KCNH7: variants seen among roughly 807,000 people sequenced by gnomAD.
KCNH7 encodes voltage-gated inwardly rectifying potassium channel KCNH7.
A neutral mutation model predicts 120.8 loss-of-function variants in KCNH7; 49 were observed. The ratio of observed to expected loss-of-function variants is 0.41; its 90% CI spans 0.32 to 0.51. The LOEUF is 0.51. Ranked by LOEUF, KCNH7 falls within the 20% of genes least tolerant of loss-of-function variation. The pLI, the probability that KCNH7 is intolerant of heterozygous loss-of-function variation, is 0.38. For missense variants in KCNH7, 1,097 were observed against 1,446.6 expected, an observed-to-expected ratio of 0.76 and a Z score of 3.92; for synonymous variants, 547 against 516.1, an observed-to-expected ratio of 1.06 and a Z score of -0.81.
intron 3 of KCNH7, among the ~76,000 whole-genome samples, chr2:162,521,114 A>G (rs1691505737): frequency 6.6e-6 from 1 of 151,858 alleles, no homozygotes; most frequent in African/African-American, 2.4e-5. Context: ...CACCACAGTT[A>G]ATAATTATGC....
chr2:162,387,460 A>G (rs1686607153), intron 12 of KCNH7, among the ~76,000 whole-genome samples: 1 of 151,482 alleles, frequency 6.6e-6, no homozygotes, highest in South Asian at 2.1e-4. Context: ...GAATTATTTG[A>G]TAGACATTAA....
At chr2:162,542,153 ATC>A (rs945181718) in intron 2 of KCNH7, among the ~76,000 whole-genome samples, 1 of 151,214 alleles carries the variant, frequency 6.6e-6, no homozygotes, top group African/African-American at 2.4e-5. Flanking sequence ...ACTATTCTAT[ATC>A]TCTCTTTTTT....
chr2:162,807,985 T>C (rs1684609999), intron 2 of KCNH7, among the ~76,000 whole-genome samples: 1 of 152,182 alleles, frequency 6.6e-6, no homozygotes, highest in Non-Finnish European at 1.5e-5. Context: ...CCCAGCCATC[T>C]TTTCATCCAT....
In KCNH7 at chr2:162,433,949, T is replaced by C. The variant is rs1230341227; in HGVS notation, c.1954+1249A>G. On this transcript the variant is annotated intron_variant, in intron 8 of 15. Coordinates refer to ENST00000332142, the MANE Select transcript of KCNH7 (RefSeq NM_033272.4). ...TACTTATATGTTCATTGCAGCAGTA[T>C]TCACACTGAAGAAGACATGGAATCA... 2.0e-5 allele frequency among the ~76,000 whole-genome samples: 3 copies of C among 152,030 alleles called. No individual in the cohort carries two copies. The East Asian group carries it at 5.8e-4, about 29-fold the overall frequency.
intron 2 of KCNH7, among the ~76,000 whole-genome samples, chr2:162,708,543 T>A (rs186960909): frequency 6.6e-6 from 1 of 152,166 alleles, no homozygotes; most frequent in East Asian, 1.9e-4. Context: ...AATTTTTTAC[T>A]GTGAGAAGAG....
intron 12 of KCNH7, among the ~76,000 whole-genome samples, chr2:162,393,317 G>A (rs1686798987): frequency 6.6e-6 from 1 of 151,794 alleles, no homozygotes; most frequent in Non-Finnish European, 1.5e-5. Context: ...TGGATATGTG[G>A]GACTGAAGCT....
intron 2 of KCNH7, among the ~76,000 whole-genome samples, chr2:162,557,983 T>C (rs1384943968): frequency 6.6e-6 from 1 of 152,214 alleles, no homozygotes; most frequent in African/African-American, 2.4e-5. Context: ...ATCCTTTCTA[T>C]ATAAGTGTGG....
intron 6 of KCNH7, among the ~76,000 whole-genome samples, chr2:162,467,238 T>A (rs1462051998): frequency 6.6e-6 from 1 of 152,186 alleles, no homozygotes; most frequent in African/African-American, 2.4e-5. Flanking sequence ...GATTATGAAA[T>A]CAATGTGTCA....
At chr2:162,438,463 A>G (rs1688322659) in intron 7 of KCNH7, among the ~76,000 whole-genome samples, 1 of 152,196 alleles carries the variant, frequency 6.6e-6, no homozygotes, top group Admixed American at 6.6e-5. Context: ...TTTAAGATAT[A>G]TGGGACATGT....
Position 162,435,603 on chromosome 2 carries a change from G to A in KCNH7, c.1555-6C>T. 1 of 1,572,482 alleles carries A rather than the reference G, an allele frequency of 6.4e-7. No homozygotes were observed. Among genetic ancestry groups the A allele is most frequent in the Non-Finnish European group, 8.6e-7 (1 of 1,159,384 alleles). ...AGACCAATTAATGTTGTTGTCTGTA[G>A]AAATAAATGTACACAGTCAGAAACG... On this transcript the variant is annotated splice_polypyrimidine_tract_variant and splice_region_variant and intron_variant, in intron 7 of 15. Transcript: ENST00000332142.
chr2:162,645,295 G>A (rs546330466), intron 2 of KCNH7, among the ~76,000 whole-genome samples: 7 of 152,050 alleles, frequency 4.6e-5, no homozygotes, highest in South Asian at 2.1e-4. Flanking sequence ...CTACAGGCAC[G>A]TGCCACCATA....
intron 5 of KCNH7, among the ~76,000 whole-genome samples, chr2:162,508,669 G>C (rs1464311930): frequency 6.6e-6 from 1 of 151,288 alleles, no homozygotes; most frequent in African/African-American, 2.4e-5. Context: ...GTAAACCTAA[G>C]TGGACAGAAT....
chr2:162,758,425 G>A (rs537979975), intron 2 of KCNH7, among the ~76,000 whole-genome samples: 4 of 152,128 alleles, frequency 2.6e-5, no homozygotes, highest in African/African-American at 9.6e-5. Flanking sequence ...CTTAAAGTTT[G>A]TATGTATACA....
Position 162,536,867 on chromosome 2 carries a change from A to C in KCNH7, c.463+58T>G, listed in dbSNP as rs1368941597. 2.1e-6 allele frequency: 3 copies of C among 1,431,734 alleles called. No individual in the cohort carries two copies. In the Admixed American group the frequency reaches 5.2e-5, roughly 25 times the overall value. The allele number at this position is 1,431,734 out of a possible 1,614,324, so 88.7% of individuals were successfully genotyped here. A position where few individuals can be genotyped will look rare whatever the true frequency, so the allele number is the denominator to read the frequency against. ...CTGAATTGAAATGAAGACTGTATTA[A>C]AGTGACTACAGTAGCAGAATTATCA... On this transcript the variant is annotated intron_variant, in intron 3 of 15. Transcript: ENST00000332142.
Position 162,504,320 on chromosome 2 carries a change from TAGG to T in KCNH7, c.1128+120_1128+122del, listed in dbSNP as rs1690789818. On this transcript the variant is annotated intron_variant, in intron 6 of 15. Transcript: ENST00000332142. The stretch of plus-strand genomic sequence containing the variant: ...GAGTTACCCAACATCTCAAGATAAA[TAGG>T]AGTACAAAGAAAAAATGTCTTACCT... 4.4e-6 allele frequency: 3 copies of T among 685,140 alleles called. No individual in the cohort carries two copies. In the Admixed American group the frequency reaches 7.5e-5, roughly 17 times the overall value. 42.4% of individuals were successfully genotyped at this position (685,140 alleles called of 1,614,324 possible). A position where few individuals can be genotyped will look rare whatever the true frequency, so the allele number is the denominator to read the frequency against.
Position 162,446,193 on chromosome 2 carries a change from A to G in KCNH7, c.1379T>C (p.Ile460Thr), listed in dbSNP as rs1345337519. 1 of 1,613,756 alleles carries G rather than the reference A, an allele frequency of 6.2e-7. No homozygotes were observed. Among genetic ancestry groups the G allele is most frequent in the Admixed American group, 1.7e-5 (1 of 59,972 alleles). Residue 460 changes from isoleucine (I) to threonine (T), a missense_variant, in exon 7 of 16, where the codon ATT becomes ACT. This residue lies in a region of KCNH7 where 109 missense variants were observed against 196.8 expected (regional missense o/e 0.55). Transcript: ENST00000332142. Reference sequence around the variant, plus strand: ...TATTAAAATATCTATGATAAACATAATATCCACAATCAAGTCTACCACATT... The same window carrying G: ...TATTAAAATATCTATGATAAACATAGTATCCACAATCAAGTCTACCACATT... ...PLNVVDLIVD[I>T]MFIIDILINF...
intron 2 of KCNH7, among the ~76,000 whole-genome samples, chr2:162,655,813 G>T (rs1684735327): frequency 1.3e-5 from 2 of 151,954 alleles, no homozygotes; most frequent in Admixed American, 6.6e-5. Flanking sequence ...AACAAAAAAC[G>T]AATTATTGTG....
In KCNH7 at chr2:162,751,097, T is replaced by C. The variant is rs369486298; in HGVS notation, c.307+85440A>G. 3.9e-5 allele frequency among the ~76,000 whole-genome samples: 6 copies of C among 152,118 alleles called. No individual in the cohort carries two copies. In the East Asian group the frequency reaches 1.2e-3, roughly 29 times the overall value. On this transcript the variant is annotated intron_variant, in intron 2 of 15. Coordinates refer to ENST00000332142, the MANE Select transcript of KCNH7 (RefSeq NM_033272.4). ...AGCATGGTCACAGCATAGGAGTCCATTGGTGTGATACTTAGGCTCATCAGA... is the reference window on the plus strand; with the variant it reads ...AGCATGGTCACAGCATAGGAGTCCACTGGTGTGATACTTAGGCTCATCAGA...
At chr2:162,378,000 T>C (rs987296642) in intron 14 of KCNH7, among the ~76,000 whole-genome samples, 3 of 152,198 alleles carry the variant, frequency 2.0e-5, no homozygotes, top group African/African-American at 7.2e-5. Context: ...GCAGCAATGA[T>C]TGGCACCCAT....
Sources: allele counts gnomAD v4.1 joint callset (sites outside exome capture counted in the v4.1 genomes callset), GRCh38; gene constraint gnomAD v4.1.1; regional missense constraint gnomAD v4.1.1; transcripts MANE v1.5; gene names NCBI Gene and HGNC (gene_info 2026-07-23, HGNC 2026-07-21).